The following NCAM2 variants were observed in gnomAD, a reference collection of about 807,000 sequenced individuals.
NCAM2 encodes neural cell adhesion molecule 2, also known as N-CAM-2.
NCAM2 carries 30 observed loss-of-function variants against 98.1 expected under a neutral mutation model. The observed-to-expected ratio is 0.31, with a 90% CI of 0.23 to 0.41. The LOEUF (loss-of-function observed/expected upper bound fraction) is 0.41, where lower values mean the gene tolerates loss of function less well. NCAM2 is among the 10% of genes least tolerant of loss of function. The pLI, the probability that NCAM2 is intolerant of heterozygous loss-of-function variation, is 1.00. For missense variants in NCAM2, 867 were observed against 1,005.8 expected (o/e 0.86, Z 1.87); for synonymous variants, 368 against 342.4 (o/e 1.07, Z -0.83).
chr21:21,468,908 C>A, intron 14 of NCAM2, 125 bp downstream of exon 14: 1 of 827,872 alleles, frequency 1.2e-6, no homozygotes, highest in Non-Finnish European at 1.7e-6. Flanking sequence ...TGCTAATCTT[C>A]CTTCCATTCC....
At chr21:21,128,474 T>C (rs1365358003) in intron 1 of NCAM2, among the ~76,000 whole-genome samples, 1 of 152,144 alleles carries the variant, frequency 6.6e-6, no homozygotes, top group African/African-American at 2.4e-5. Context: ...CTGAAAAGAT[T>C]AAGATCTTTC....
chr21:21,144,716 T>C, intron 1 of NCAM2, among the ~76,000 whole-genome samples: 1 of 152,186 alleles, frequency 6.6e-6, no homozygotes, highest in East Asian at 1.9e-4. Flanking sequence ...TTCCCAAATA[T>C]CTGACACATC....
chr21:21,444,419 C>G (rs1361964214), intron 12 of NCAM2, among the ~76,000 whole-genome samples: 1 of 152,060 alleles, frequency 6.6e-6, no homozygotes, highest in African/African-American at 2.4e-5. Context: ...ACCAGCTCCT[C>G]TTTGTAACTC....
chr21:21,066,237 G>T (rs73895319), intron 1 of NCAM2, among the ~76,000 whole-genome samples: 2,260 of 152,166 alleles, frequency 0.015, 57 homozygotes, highest in African/African-American at 0.051. Context: ...TTGATTTTAT[G>T]GTCAGAGTTT....
chr21:21,391,325 T>G (rs1345980207), intron 9 of NCAM2, among the ~76,000 whole-genome samples: 1 of 152,214 alleles, frequency 6.6e-6, no homozygotes, highest in East Asian at 1.9e-4. Context: ...CGGAATCTAC[T>G]TATGTAGAAT....
At chr21:21,382,344 G>T (rs2076170641) in intron 9 of NCAM2, among the ~76,000 whole-genome samples, 1 of 151,914 alleles carries the variant, frequency 6.6e-6, no homozygotes, top group Admixed American at 6.6e-5. Flanking sequence ...TATACCCTTT[G>T]AAATTGTTTC....
intron 12 of NCAM2, among the ~76,000 whole-genome samples, chr21:21,465,319 C>T (rs1983538765): frequency 6.6e-6 from 1 of 151,908 alleles, no homozygotes; most frequent in Non-Finnish European, 1.5e-5. Context: ...TAGTGGCCCA[C>T]TCCTGAAATC....
chr21:21,028,565 G>A (rs1035882943), intron 1 of NCAM2, among the ~76,000 whole-genome samples: 2 of 152,118 alleles, frequency 1.3e-5, no homozygotes, highest in Non-Finnish European at 2.9e-5. Context: ...GAAAACTTTG[G>A]TGTGCAGCCT....
intron 8 of NCAM2, among the ~76,000 whole-genome samples, chr21:21,349,459 A>G (rs2075277039): frequency 6.6e-6 from 1 of 152,178 alleles, no homozygotes; most frequent in Non-Finnish European, 1.5e-5. Context: ...TAGAAAAGGG[A>G]ACCTTTGTAC....
At chr21:21,057,996 G>C (rs2065247492) in intron 1 of NCAM2, among the ~76,000 whole-genome samples, 1 of 152,014 alleles carries the variant, frequency 6.6e-6, no homozygotes, top group African/African-American at 2.4e-5. Context: ...TGCTCCCAAT[G>C]AAAATGACTT....
chr21:21,355,429 T>C (rs2075445551), intron 8 of NCAM2, among the ~76,000 whole-genome samples: 1 of 121,440 alleles, frequency 8.2e-6, no homozygotes, highest in Admixed American at 1.0e-4. Flanking sequence ...GCCACTGCAC[T>C]CCAGCCTGAG....
At chr21:21,403,536 T>C (rs1235055254) in intron 9 of NCAM2, among the ~76,000 whole-genome samples, 2 of 152,172 alleles carry the variant, frequency 1.3e-5, no homozygotes, top group Non-Finnish European at 1.5e-5. Context: ...GAAGAAAAAC[T>C]TTTATACCCA....
At chr21:21,073,391 G>A (rs11702502) in intron 1 of NCAM2, among the ~76,000 whole-genome samples, 93,485 of 151,934 alleles carry the variant, frequency 0.62, 29,792 homozygotes, top group South Asian at 0.7. Context: ...GCAAATGTAA[G>A]ATACAGATCA....
intron 15 of NCAM2, among the ~76,000 whole-genome samples, chr21:21,488,317 T>G (rs535373289): frequency 6.6e-6 from 1 of 152,116 alleles, no homozygotes; most frequent in African/African-American, 2.4e-5. Context: ...GAATACTCAT[T>G]CATTATGTTT....
In NCAM2 at chr21:21,540,354, C is replaced by G. The variant is rs1184841599; in HGVS notation, c.*2397C>G. 6.6e-6 allele frequency: 1 copy of G among 151,198 alleles called. No homozygotes were observed. The allele number at this position is 151,198 out of a possible 1,614,324, so 9.4% of individuals were successfully genotyped here. ...ATGTGGAGTAATGATCTGAAATTAACAGATAATCTGAAGCTAATTATATTC... is the reference window on the plus strand; with the variant it reads ...ATGTGGAGTAATGATCTGAAATTAAGAGATAATCTGAAGCTAATTATATTC... On this transcript the variant is annotated 3_prime_UTR_variant, in exon 18 of 18. Transcript: ENST00000400546.
chr21:21,345,118 G>A (rs1004345088), intron 8 of NCAM2, among the ~76,000 whole-genome samples: 1 of 152,036 alleles, frequency 6.6e-6, no homozygotes, highest in African/African-American at 2.4e-5. Context: ...AATACCCAAG[G>A]TTTTTCAAAT....
intron 1 of NCAM2, among the ~76,000 whole-genome samples, chr21:21,086,662 T>G (rs1340919021): frequency 6.6e-6 from 1 of 152,128 alleles, no homozygotes; most frequent in Non-Finnish European, 1.5e-5. Context: ...CAAACGGTAA[T>G]TAGACTTTTT....
At chr21:21,164,478 A>G (rs1222519969) in intron 1 of NCAM2, among the ~76,000 whole-genome samples, 2 of 152,162 alleles carry the variant, frequency 1.3e-5, no homozygotes, top group African/African-American at 2.4e-5. Flanking sequence ...CTAGTGAGTA[A>G]CATAACCCCG....
intron 15 of NCAM2, among the ~76,000 whole-genome samples, chr21:21,506,182 C>T (rs374007049): frequency 9.2e-5 from 14 of 152,132 alleles, no homozygotes; most frequent in East Asian, 7.7e-4. Flanking sequence ...CCATTCAAAC[C>T]AATAGGATCA....
Sources: allele counts gnomAD v4.1 joint callset (sites outside exome capture counted in the v4.1 genomes callset), GRCh38; gene constraint gnomAD v4.1.1; transcripts MANE v1.5; gene names NCBI Gene and HGNC (gene_info 2026-07-23, HGNC 2026-07-21).